Variants in DDR2 observed in about 807,000 individuals in gnomAD.
DDR2 encodes the protein discoidin domain receptor tyrosine kinase 2, also known as discoidin domain-containing receptor 2.
DDR2 carries 27 observed loss-of-function variants against 94.9 expected under a neutral mutation model. The observed-to-expected ratio is 0.28, with a 90% CI of 0.21 to 0.39. The LOEUF is 0.39. Among genes scored for constraint, DDR2 ranks in the 10% least tolerant of loss-of-function variants. DDR2 has a pLI of 1.00. For missense variants in DDR2, 783 were observed against 1,076.0 expected (o/e 0.73, Z 3.81); for synonymous variants, 382 against 377.2 (o/e 1.01, Z -0.15).
rs537435902 is a variant in DDR2 at position 162,635,450 on chromosome 1, G to A, written c.-192+2819G>A. On this transcript the variant is annotated intron_variant, in intron 1 of 17. Coordinates refer to ENST00000367921, the MANE Select transcript of DDR2 (RefSeq NM_006182.4). ...AACACACAATCCAAACACATGTCTC[G>A]CAGGCATCCAAAAAGCAAACACACG... Among the ~76,000 whole-genome samples the A allele has an allele frequency of 7.9e-5, 12 of 152,150 alleles. No homozygotes were observed. The East Asian group carries it at 2.1e-3, about 27-fold the overall frequency.
chr1:162,769,309 A>G (rs1664151198), intron 11 of DDR2, among the ~76,000 whole-genome samples: 1 of 152,222 alleles, frequency 6.6e-6, no homozygotes. Flanking sequence ...TCTTCCTGGG[A>G]ACAAAATTTT....
At position 162,753,346 on chromosome 1, in the gene DDR2, C is replaced by T. The variant is rs997657495; in HGVS notation, c.185+149C>T. On this transcript the variant is annotated intron_variant, in intron 4 of 17. Coordinates refer to ENST00000367921, the MANE Select transcript of DDR2 (RefSeq NM_006182.4). ...ACAGACAGCAAGTGGGCCTGTCCTG[C>T]TCTGTATGTTTTCAGGGAGAGAATT... 5 of 734,558 alleles carry T rather than the reference C, an allele frequency of 6.8e-6. No homozygotes were observed. The African/African-American group carries it at 8.8e-5, about 13-fold the overall frequency. The allele number at this position is 734,558 out of a possible 1,614,324, so 45.5% of individuals were successfully genotyped here. A position where few individuals can be genotyped will look rare whatever the true frequency, so the allele number is the denominator to read the frequency against.
intron 1 of DDR2, among the ~76,000 whole-genome samples, chr1:162,643,100 C>T (rs1426112133): frequency 6.6e-6 from 1 of 152,060 alleles, no homozygotes; most frequent in Non-Finnish European, 1.5e-5. Flanking sequence ...TGATGGTTTT[C>T]CTATTGTCTT....
chr1:162,673,379 G>T (rs531449348), intron 2 of DDR2, among the ~76,000 whole-genome samples: 7 of 152,038 alleles, frequency 4.6e-5, no homozygotes, highest in Non-Finnish European at 1.0e-4. Context: ...ACATAGGGCC[G>T]ATTTCTCTTA....
chr1:162,761,127 G>A lies in DDR2; in HGVS notation c.856-84G>A, dbSNP rs185161361. The A allele has an allele frequency of 4.2e-4, 667 of 1,591,850 alleles. 1 individual carries two copies. The highest frequency in any genetic ancestry group is 8.9e-4 in the Admixed American group (53 of 59,814). ...CAGAATAGCTCGAATCAGGGTAGAC[G>A]GCAACTACTGAGTTGGCTGGCACTG... On this transcript the variant is annotated intron_variant, in intron 8 of 17. Coordinates refer to ENST00000367921, the MANE Select transcript of DDR2 (RefSeq NM_006182.4).
intron 2 of DDR2, among the ~76,000 whole-genome samples, chr1:162,671,252 A>G (rs1487700355): frequency 6.6e-6 from 1 of 152,132 alleles, no homozygotes; most frequent in Admixed American, 6.5e-5. Context: ...ACTTCTCATC[A>G]GCTCAGTTCC....
At position 162,786,023 on chromosome 1, in the gene DDR2, C is replaced by CTGAGT. The variant is rs1415817456; in HGVS notation, c.*5778_*5782dup. 6.6e-6 allele frequency: 1 copy of CTGAGT among 152,178 alleles called. No individual in the cohort carries two copies. Among genetic ancestry groups the CTGAGT allele is most frequent in the Non-Finnish European group, 1.5e-5 (1 of 68,034 alleles). The allele number at this position is 152,178 out of a possible 1,614,324, so 9.4% of individuals were successfully genotyped here. A position where few individuals can be genotyped will look rare whatever the true frequency, so the allele number is the denominator to read the frequency against. ...GTCAGGTGCCTTGCAGGAAAATAAT[C>CTGAGT]TGAGTCCCAAGCTAGCCTGTGCTCA... On this transcript the variant is annotated 3_prime_UTR_variant, in exon 18 of 18. Coordinates refer to ENST00000367921, the MANE Select transcript of DDR2 (RefSeq NM_006182.4).
rs761726921 is a variant in DDR2 at position 162,656,833 on chromosome 1, G to GTTTTTTTTTTTTTTTTTTTTTTTTTTTTT, written c.-28+1475_-28+1476insTTTTTTTTTTTTTTTTTTTTTTTTTTTTT. Among the ~76,000 whole-genome samples, 6 of 65,682 alleles carry GTTTTTTTTTTTTTTTTTTTTTTTTTTTTT rather than the reference G, an allele frequency of 9.1e-5. 2 individuals are homozygous for GTTTTTTTTTTTTTTTTTTTTTTTTTTTTT. The highest frequency in any genetic ancestry group is 1.2e-4 in the Non-Finnish European group (4 of 33,380). The allele number at this position is 65,682 out of a possible 152,430, so 43.1% of individuals were successfully genotyped here. On this transcript the variant is annotated intron_variant, in intron 2 of 17. Transcript: ENST00000367921. Reference sequence around the variant, plus strand: ...GGTCTTTTCTTCCCCTGCCACTGGAGTTTTTTTTTTTTTTTTATTTTTTTT... The same window carrying GTTTTTTTTTTTTTTTTTTTTTTTTTTTTT: ...GGTCTTTTCTTCCCCTGCCACTGGAGTTTTTTTTTTTTTTTTTTTTTTTTTTTTTTTTTTTTTTTTTTTTTATTTTTTTT...
chr1:162,653,163 G>A (rs567290552), intron 1 of DDR2, among the ~76,000 whole-genome samples: 135 of 152,282 alleles, frequency 8.9e-4, no homozygotes, highest in African/African-American at 3.0e-3. Context: ...GACCTTCAGT[G>A]TGATCAAAGC....
chr1:162,753,429 G>A (rs554327172), intron 4 of DDR2, among the ~76,000 whole-genome samples: 1 of 152,274 alleles, frequency 6.6e-6, no homozygotes, highest in East Asian at 1.9e-4. Context: ...GAGGCCCCAG[G>A]GCCACATTAC....
intron 2 of DDR2, among the ~76,000 whole-genome samples, chr1:162,698,679 A>T (rs907700729): frequency 3.9e-5 from 6 of 152,096 alleles, no homozygotes; most frequent in African/African-American, 1.4e-4. Context: ...CAGGGCTGGG[A>T]GAAGGTTGCA....
At chr1:162,753,017 G>A (rs967568537) in intron 3 of DDR2, 78 bp from the exon 4 acceptor site, 1 of 1,233,098 alleles carries the variant, frequency 8.1e-7, no homozygotes, top group Non-Finnish European at 1.2e-6. Flanking sequence ...TCAATATTCA[G>A]TGATATTCTT....
chr1:162,767,549 A>G (rs3819018), intron 11 of DDR2, among the ~76,000 whole-genome samples, 190 bp downstream of exon 11: 1 of 152,186 alleles, frequency 6.6e-6, no homozygotes, highest in Non-Finnish European at 1.5e-5. Flanking sequence ...TAGAGTGGAG[A>G]TGTTGGAACC....
chr1:162,706,627 G>A (rs1396135077), intron 2 of DDR2, among the ~76,000 whole-genome samples: 1 of 152,186 alleles, frequency 6.6e-6, no homozygotes, highest in Non-Finnish European at 1.5e-5. Context: ...CATGGGGCAA[G>A]CCCTTGGTGT....
chr1:162,778,254 C>T (rs909671828), intron 16 of DDR2, among the ~76,000 whole-genome samples: 4 of 152,134 alleles, frequency 2.6e-5, no homozygotes. Flanking sequence ...CCATTGACTT[C>T]CCATTCAGAT....
At chr1:162,746,972 A>G (rs1032967827) in intron 3 of DDR2, among the ~76,000 whole-genome samples, 3 of 152,218 alleles carry the variant, frequency 2.0e-5, no homozygotes, top group African/African-American at 7.2e-5. Context: ...TAGCATCAAC[A>G]TCAACAAAAA....
At chr1:162,697,337 A>G (rs544593198) in intron 2 of DDR2, among the ~76,000 whole-genome samples, 6 of 152,334 alleles carry the variant, frequency 3.9e-5, no homozygotes, top group African/African-American at 7.2e-5. Context: ...AATCTGAGTC[A>G]TAAGAACCTC....
intron 3 of DDR2, among the ~76,000 whole-genome samples, chr1:162,728,002 A>C (rs1209354065): frequency 1.4e-5 from 2 of 141,520 alleles, no homozygotes; most frequent in African/African-American, 5.2e-5. Flanking sequence ...ATATATATCT[A>C]TATATATATA....
chr1:162,766,343 G>A (rs953339784), intron 10 of DDR2, among the ~76,000 whole-genome samples: 1 of 152,332 alleles, frequency 6.6e-6, no homozygotes, highest in African/African-American at 2.4e-5. Flanking sequence ...AACAGGGAAA[G>A]GGACATTCCT....
Sources: allele counts gnomAD v4.1 joint callset (sites outside exome capture counted in the v4.1 genomes callset), GRCh38; gene constraint gnomAD v4.1.1; transcripts MANE v1.5; gene names NCBI Gene and HGNC (gene_info 2026-07-23, HGNC 2026-07-21).